Variants in USP32 observed in about 807,000 individuals in gnomAD.
The protein encoded by USP32 is ubiquitin carboxyl-terminal hydrolase 32.
A neutral mutation model predicts 204.8 loss-of-function variants in USP32; 59 were observed. That is an observed-to-expected ratio of 0.29 (90% CI 0.23 to 0.36). USP32 has a LOEUF of 0.36. USP32 is among the 10% of genes least tolerant of loss of function. The pLI is 1.00. For missense variants in USP32, 1,160 were observed against 1,946.4 expected, an observed-to-expected ratio of 0.60 and a Z score of 7.60; for synonymous variants, 517 against 678.4, an observed-to-expected ratio of 0.76 and a Z score of 3.70.
intron 1 of USP32, among the ~76,000 whole-genome samples, chr17:60,368,999 T>TAAGCCAGGCATGGTGACATCTGCCTGTAA (rs1392707594): frequency 2.3e-5 from 3 of 130,792 alleles, no homozygotes; most frequent in African/African-American, 8.1e-5. Context: ...AGATTTTTTT[T>TAAGCCAGGCATGGTGACATCTGCCTGTAA]TTTTTTTTTT....
chr17:60,297,787 T>C (rs1156321229), intron 3 of USP32, among the ~76,000 whole-genome samples: 3 of 152,176 alleles, frequency 2.0e-5, no homozygotes, highest in African/African-American at 7.2e-5. Context: ...TTTTTCTTTT[T>C]CTCTAGCAGT....
chr17:60,395,131 C>T (rs2089892147), upstream of USP32, among the ~76,000 whole-genome samples: 3 of 152,140 alleles, frequency 2.0e-5, no homozygotes, highest in African/African-American at 7.2e-5. Flanking sequence ...ACATGACCAC[C>T]ATCATATATG....
At chr17:60,284,585 G>T (rs2087061414) in intron 5 of USP32, among the ~76,000 whole-genome samples, 1 of 152,168 alleles carries the variant, frequency 6.6e-6, no homozygotes, top group Non-Finnish European at 1.5e-5. Flanking sequence ...TCCAAAAAAA[G>T]ATGATTTTCA....
intron 24 of USP32, chr17:60,207,632 GTA>G (rs1197709516): frequency 6.4e-6 from 1 of 156,262 alleles, no homozygotes; most frequent in Non-Finnish European, 1.4e-5. Flanking sequence ...AAAAGACCAA[GTA>G]TATATATTCA....
intron 9 of USP32, among the ~76,000 whole-genome samples, chr17:60,263,679 G>C (rs566628645): frequency 6.6e-6 from 1 of 152,288 alleles, no homozygotes; most frequent in Non-Finnish European, 1.5e-5. Flanking sequence ...TTTTCTAACA[G>C]AAACTTTTCC....
At chr17:60,266,316 T>G (rs1316341627) in intron 7 of USP32, among the ~76,000 whole-genome samples, 2 of 152,174 alleles carry the variant, frequency 1.3e-5, no homozygotes, top group Non-Finnish European at 2.9e-5. Flanking sequence ...TATTCAGATA[T>G]AAGACCCTAC....
chr17:60,207,990 C>T (rs2084871474), intron 24 of USP32, 69 bp downstream of exon 24: 1 of 1,489,324 alleles, frequency 6.7e-7, no homozygotes. Flanking sequence ...AACAATTGAT[C>T]ATAATAATTG....
chr17:60,358,511 C>G (rs946153229), intron 1 of USP32, among the ~76,000 whole-genome samples: 3 of 151,912 alleles, frequency 2.0e-5, no homozygotes, highest in Non-Finnish European at 4.4e-5. Flanking sequence ...TAGGTAGAGG[C>G]TGCAGTGAGC....
chr17:60,223,275 A>G, intron 14 of USP32, 136 bp downstream of exon 14: 3 of 700,418 alleles, frequency 4.3e-6, no homozygotes, highest in Non-Finnish European at 4.7e-6. Context: ...GAAATGTACT[A>G]TACAAAGAGA....
chr17:60,316,770 G>C (rs1474056095), intron 2 of USP32, among the ~76,000 whole-genome samples: 1 of 152,156 alleles, frequency 6.6e-6, no homozygotes, highest in Non-Finnish European at 1.5e-5. Flanking sequence ...CAGCCTGGGA[G>C]GTGGAGGTTG....
chr17:60,376,623 A>C (rs2089547289), intron 1 of USP32, among the ~76,000 whole-genome samples: 1 of 151,788 alleles, frequency 6.6e-6, no homozygotes. Flanking sequence ...TCCCGGATTC[A>C]AGCAATTCTC....
chr17:60,345,333 C>G, intron 2 of USP32, 148 bp downstream of exon 2: 1 of 1,108,832 alleles, frequency 9.0e-7, no homozygotes, highest in Non-Finnish European at 1.3e-6. Context: ...GCCACGTTGA[C>G]ATCTAAAACA....
intron 5 of USP32, among the ~76,000 whole-genome samples, chr17:60,285,913 G>T (rs2087098085): frequency 6.6e-6 from 1 of 152,090 alleles, no homozygotes; most frequent in Non-Finnish European, 1.5e-5. Flanking sequence ...AAGGCAGGTG[G>T]ATCACCTGAG....
At chr17:60,284,512 G>A (rs894670624) in intron 5 of USP32, among the ~76,000 whole-genome samples, 3 of 151,802 alleles carry the variant, frequency 2.0e-5, no homozygotes, top group East Asian at 1.9e-4. Context: ...GAGCCACCAC[G>A]CCCAGCCTAA....
intron 11 of USP32, chr17:60,249,633 A>G: frequency 1.5e-6 from 1 of 665,004 alleles, no homozygotes; most frequent in Admixed American, 2.3e-5. Flanking sequence ...GCTGGATGGG[A>G]GGAAATGAAA....
At chr17:60,391,464 A>C (rs1015827655) in intron 1 of USP32, among the ~76,000 whole-genome samples, 3 of 152,176 alleles carry the variant, frequency 2.0e-5, no homozygotes, top group Non-Finnish European at 4.4e-5. Context: ...GTCCCCTTCC[A>C]GCTAAGGCTG....
upstream of USP32, among the ~76,000 whole-genome samples, chr17:60,393,098 C>T (rs1296355756): frequency 1.3e-5 from 2 of 152,194 alleles, no homozygotes; most frequent in Non-Finnish European, 2.9e-5. Context: ...AAGGGAAACT[C>T]TGTGCCTATT....
At position 60,348,121 on chromosome 17, in the gene USP32, C is replaced by CA. The variant is rs1048705374; in HGVS notation, c.59-2514dup. ...TGGGCAACAGAGCGAGACCCCGTCT[C>CA]AAAAAAAAAAAAAGAGTAAGTCAGG... On this transcript the variant is annotated intron_variant, in intron 1 of 33. Coordinates refer to ENST00000300896, the MANE Select transcript of USP32 (RefSeq NM_032582.4). Among the ~76,000 whole-genome samples, 823 of 102,032 alleles carry CA rather than the reference C, an allele frequency of 8.1e-3. 7 individuals carry two copies. The highest frequency in any genetic ancestry group is 0.023 in the African/African-American group (629 of 26,898). 66.9% of individuals were successfully genotyped at this position (102,032 alleles called of 152,430 possible).
chr17:60,265,297 T>C, intron 9 of USP32, 115 bp downstream of exon 9: 1 of 633,676 alleles, frequency 1.6e-6, no homozygotes. Flanking sequence ...CAGGTCCAGA[T>C]AAGTACTTGG....
Sources: allele counts gnomAD v4.1 joint callset (sites outside exome capture counted in the v4.1 genomes callset), GRCh38; gene constraint gnomAD v4.1.1; transcripts MANE v1.5; gene names NCBI Gene and HGNC (gene_info 2026-07-23, HGNC 2026-07-21).